The following AGMO variants were observed in gnomAD, a reference collection of about 807,000 sequenced individuals.
The protein encoded by AGMO is glyceryl-ether monooxygenase.
A neutral mutation model predicts 60.2 loss-of-function variants in AGMO; 75 were observed. The observed-to-expected ratio is 1.25, with a 90% CI of 1.03 to 1.51. The LOEUF is 1.51. Ranked by LOEUF, AGMO falls within the 40% of genes most tolerant of loss-of-function variation. The pLI is 0.00. For missense variants in AGMO, 763 were observed against 525.5 expected, an observed-to-expected ratio of 1.45 and a Z score of -4.42; for synonymous variants, 261 against 177.1, an observed-to-expected ratio of 1.47 and a Z score of -3.76.
the AGMO span, among the ~76,000 whole-genome samples, chr7:15,148,705 C>T: frequency 6.6e-6 from 1 of 152,096 alleles, no homozygotes; most frequent in Non-Finnish European, 1.5e-5. Flanking sequence ...AGCATATTTT[C>T]TTTATCCAGT....
chr7:15,138,866 A>G, the AGMO span, among the ~76,000 whole-genome samples: 1 of 152,172 alleles, frequency 6.6e-6, no homozygotes, highest in Non-Finnish European at 1.5e-5. Flanking sequence ...TTTTTCATTC[A>G]GTTCTTAACA....
rs563746961 is a variant in AGMO, at chr7:15,550,497, C to G, written c.258-5574G>C. Among the ~76,000 whole-genome samples the G allele has an allele frequency of 2.0e-5, 3 of 152,194 alleles. No individual in the cohort carries two copies. In the East Asian group the frequency reaches 5.8e-4, roughly 29 times the overall value. On this transcript the variant is annotated intron_variant, in intron 2 of 12. Coordinates refer to ENST00000342526, the MANE Select transcript of AGMO (RefSeq NM_001004320.2). ...TGATAAAGGGGATATCACCACCCAT[C>G]CCACAGAAATACAAACTACCATCAG...
rs988263228 is a variant in AGMO at position 15,534,099 on chromosome 7, T to A, written c.409+10673A>T. On this transcript the variant is annotated intron_variant, in intron 3 of 12. Transcript: ENST00000342526. ...CTCGATTGTAAAAAAAAGAACAAAA[T>A]CAAATTACCCATTAGCGTAAGAGAA... 9.9e-5 allele frequency among the ~76,000 whole-genome samples: 15 copies of A among 152,058 alleles called. 1 individual carries two copies. The highest frequency in any genetic ancestry group is 3.4e-3 in the Middle Eastern group (1 of 294).
chr7:15,498,884 C>A (rs1010360676), intron 3 of AGMO, among the ~76,000 whole-genome samples: 1 of 151,802 alleles, frequency 6.6e-6, no homozygotes, highest in Non-Finnish European at 1.5e-5. Flanking sequence ...TCAGAAGCAT[C>A]TAAAATGTAA....
rs529185181 is a variant in AGMO, at chr7:15,419,545, T to A, written c.514-892A>T. Among the ~76,000 whole-genome samples the A allele has an allele frequency of 9.8e-4, 149 of 152,186 alleles. 1 individual carries two copies. Among genetic ancestry groups the A allele is most frequent in the Admixed American group, 3.3e-3 (51 of 15,274 alleles). ...ATTATAATTTTATTTTAAAGTTATT[T>A]TATGACATGTTCTCAGTTATGCAAA... On this transcript the variant is annotated intron_variant, in intron 4 of 12. Coordinates refer to ENST00000342526, the MANE Select transcript of AGMO (RefSeq NM_001004320.2).
At chr7:15,317,880 T>A (rs544060826) in intron 12 of AGMO, among the ~76,000 whole-genome samples, 6 of 149,192 alleles carry the variant, frequency 4.0e-5, no homozygotes, top group Non-Finnish European at 8.9e-5. Flanking sequence ...TATATATATA[T>A]ACACACGTAT....
At chr7:15,558,951 A>G (rs562983239) in intron 2 of AGMO, among the ~76,000 whole-genome samples, 1 of 152,090 alleles carries the variant, frequency 6.6e-6, no homozygotes, top group South Asian at 2.1e-4. Flanking sequence ...ATGGGTGGGA[A>G]GCTGGAATGA....
rs370536816 is a variant in AGMO, at chr7:15,512,344, C to T, written c.409+32428G>A. On this transcript the variant is annotated intron_variant, in intron 3 of 12. Coordinates refer to ENST00000342526, the MANE Select transcript of AGMO (RefSeq NM_001004320.2). ...CAACACGGCACCAACCTCCACCTCC[C>T]AGGGCTCAAGTGATCCTCCTGCCTC... Among the ~76,000 whole-genome samples, 7 of 152,292 alleles carry T rather than the reference C, an allele frequency of 4.6e-5. No homozygotes were observed. The East Asian group carries it at 1.2e-3, about 25-fold the overall frequency.
chr7:15,342,572 T>C (rs1275612993), intron 12 of AGMO, among the ~76,000 whole-genome samples: 2 of 151,854 alleles, frequency 1.3e-5, no homozygotes, highest in Non-Finnish European at 2.9e-5. Flanking sequence ...TTCTTCAAGG[T>C]TTTAGCCAGG....
At chr7:15,464,623 T>C (rs980813222) in intron 3 of AGMO, among the ~76,000 whole-genome samples, 4 of 152,142 alleles carry the variant, frequency 2.6e-5, no homozygotes, top group African/African-American at 9.7e-5. Context: ...ATGAAAACTT[T>C]CAGTGAAATG....
intron 12 of AGMO, among the ~76,000 whole-genome samples, chr7:15,316,021 T>C (rs1780912350): frequency 6.6e-6 from 1 of 152,098 alleles, no homozygotes; most frequent in African/African-American, 2.4e-5. Flanking sequence ...GAGGTAATAT[T>C]ATCAAGCAGA....
intron 10 of AGMO, among the ~76,000 whole-genome samples, chr7:15,373,050 G>A (rs954617161): frequency 6.6e-6 from 1 of 152,092 alleles, no homozygotes; most frequent in Non-Finnish European, 1.5e-5. Context: ...ATTCACTTGA[G>A]GCCAGGAGTT....
intron 3 of AGMO, among the ~76,000 whole-genome samples, chr7:15,497,011 C>T (rs1318836255): frequency 6.6e-6 from 1 of 152,028 alleles, no homozygotes; most frequent in Admixed American, 6.6e-5. Flanking sequence ...TCTTTGCTGG[C>T]TATAAATTTT....
At chr7:15,531,128 C>CTA (rs1410026656) in intron 3 of AGMO, among the ~76,000 whole-genome samples, 1 of 59,812 alleles carries the variant, frequency 1.7e-5, no homozygotes, top group East Asian at 4.9e-4. Flanking sequence ...TATATATATT[C>CTA]TGTATATATT....
At chr7:15,500,197 C>T (rs1251976595) in intron 3 of AGMO, among the ~76,000 whole-genome samples, 1 of 151,698 alleles carries the variant, frequency 6.6e-6, no homozygotes, top group Non-Finnish European at 1.5e-5. Context: ...TAACTGAATA[C>T]CATGTTAATG....
At chr7:15,164,418 G>A in the AGMO span, among the ~76,000 whole-genome samples, 1 of 151,794 alleles carries the variant, frequency 6.6e-6, no homozygotes, top group Non-Finnish European at 1.5e-5. Context: ...AAAGAGCTTC[G>A]ACATAGCAAA....
rs568951662 is a variant in AGMO, at chr7:15,269,237, A to C, written c.1264-67878T>G. 7.9e-5 allele frequency among the ~76,000 whole-genome samples: 12 copies of C among 152,214 alleles called. No individual in the cohort carries two copies. The South Asian group carries it at 2.5e-3, about 32-fold the overall frequency. On this transcript the variant is annotated intron_variant, in intron 12 of 12. Coordinates refer to ENST00000342526, the MANE Select transcript of AGMO (RefSeq NM_001004320.2). ...CCTGATTTAGCAGCTTGTGTGTGCA[A>C]GTGAAGGTGGAAGATACATGGATAT...
At chr7:15,446,044 G>C (rs1032202535) in intron 3 of AGMO, among the ~76,000 whole-genome samples, 1 of 152,148 alleles carries the variant, frequency 6.6e-6, no homozygotes, top group Non-Finnish European at 1.5e-5. Context: ...ATTAGTGTCA[G>C]GAAGTGTTAT....
At chr7:15,177,883 T>C in the AGMO span, among the ~76,000 whole-genome samples, 1 of 152,146 alleles carries the variant, frequency 6.6e-6, no homozygotes, top group Non-Finnish European at 1.5e-5. Flanking sequence ...CATAATGATA[T>C]TGCTTTCTTT....
Sources: allele counts gnomAD v4.1 joint callset (sites outside exome capture counted in the v4.1 genomes callset), GRCh38; gene constraint gnomAD v4.1.1; transcripts MANE v1.5; gene names NCBI Gene and HGNC (gene_info 2026-07-23, HGNC 2026-07-21).